TES: variants seen among roughly 807,000 people sequenced by gnomAD.
The protein encoded by TES is testin LIM domain protein.
TES carries 41 observed loss-of-function variants against 48.2 expected under a neutral mutation model. That is an observed-to-expected ratio of 0.85 (90% CI 0.66 to 1.10). The LOEUF (loss-of-function observed/expected upper bound fraction) is 1.10. Ranked by LOEUF, TES falls within the 50% of genes least tolerant of loss-of-function variation. The probability of loss-of-function intolerance (pLI) is 0.00; values close to 1 mark genes in which losing one functional copy is unlikely to be tolerated. For missense variants in TES, 463 were observed against 515.1 expected (o/e 0.90, Z 0.98); for synonymous variants, 162 against 174.9 (o/e 0.93, Z 0.58).
rs186723949 is a variant in TES at position 116,236,719 on chromosome 7, T to A, written c.113+2100T>A. Among the ~76,000 whole-genome samples, 521 of 152,304 alleles carry A rather than the reference T, an allele frequency of 3.4e-3. 4 individuals are homozygous for A. Among genetic ancestry groups the A allele is most frequent in the Non-Finnish European group, 5.3e-3 (362 of 68,022 alleles). On this transcript the variant is annotated intron_variant, in intron 2 of 6. Coordinates refer to ENST00000358204, the MANE Select transcript of TES (RefSeq NM_015641.4). ...AAGCAAGTTAGTCATTTTTGTTATG[T>A]CTATATTAATCATTTTAATCGATAT...
chr7:116,211,169 T>G (rs1799433430), intron 1 of TES: 1 of 156,486 alleles, frequency 6.4e-6, no homozygotes, highest in Non-Finnish European at 1.4e-5. Context: ...TCTGCTGTGC[T>G]TTGACAGCTC....
chr7:116,210,848 G>A (rs2116563678), intron 1 of TES, 114 bp downstream of exon 1: 2 of 981,604 alleles, frequency 2.0e-6, no homozygotes, highest in South Asian at 1.0e-4. Context: ...GTGTGAGCCC[G>A]GCTCTGGGTC....
At chr7:116,231,538 G>C (rs1282479724) in intron 1 of TES, among the ~76,000 whole-genome samples, 2 of 152,278 alleles carry the variant, frequency 1.3e-5, no homozygotes, top group East Asian at 3.9e-4. Context: ...AGTCTGGAAA[G>C]ACAGGACCAC....
intron 1 of TES, 153 bp downstream of exon 1, chr7:116,210,887 C>A (rs1172013459): frequency 1.1e-5 from 6 of 556,190 alleles, no homozygotes; most frequent in Non-Finnish European, 1.6e-5. Flanking sequence ...GGGACCTGGC[C>A]CCCTGGGTAG....
intron 1 of TES, among the ~76,000 whole-genome samples, chr7:116,225,448 A>G (rs967784260): frequency 1.3e-5 from 2 of 152,194 alleles, no homozygotes; most frequent in Non-Finnish European, 2.9e-5. Context: ...AAAGTCCCAG[A>G]AAACTTGACG....
At chr7:116,242,703 GTAGA>G (rs1173699732) in intron 2 of TES, among the ~76,000 whole-genome samples, 1 of 152,102 alleles carries the variant, frequency 6.6e-6, no homozygotes, top group Non-Finnish European at 1.5e-5. Flanking sequence ...TGTTTCTGAT[GTAGA>G]TAAATTCCAT....
chr7:116,231,023 T>C (rs1044000375), intron 1 of TES, among the ~76,000 whole-genome samples: 8 of 152,192 alleles, frequency 5.3e-5, no homozygotes, highest in Non-Finnish European at 1.0e-4. Context: ...GTTCTTTTCT[T>C]TGGGGCAGAA....
intron 2 of TES, among the ~76,000 whole-genome samples, chr7:116,243,525 T>C (rs547071599): frequency 1.3e-5 from 2 of 152,184 alleles, no homozygotes; most frequent in South Asian, 2.1e-4. Flanking sequence ...AATTTATATT[T>C]CCTACCAGGC....
chr7:116,227,468 C>G (rs535707045), intron 1 of TES, among the ~76,000 whole-genome samples: 1 of 152,174 alleles, frequency 6.6e-6, no homozygotes, highest in African/African-American at 2.4e-5. Flanking sequence ...GATTTGGAAA[C>G]AGGCAATGAA....
intron 2 of TES, among the ~76,000 whole-genome samples, chr7:116,245,371 G>A (rs1246660141): frequency 3.3e-5 from 5 of 152,084 alleles, no homozygotes; most frequent in Non-Finnish European, 5.9e-5. Flanking sequence ...GGGGCAAAAT[G>A]CCACCAGTCT....
intron 2 of TES, among the ~76,000 whole-genome samples, chr7:116,244,937 G>A (rs973180785): frequency 7.2e-5 from 11 of 152,104 alleles, no homozygotes; most frequent in African/African-American, 2.7e-4. Context: ...CTATACCTTG[G>A]CCCCTTTTAG....
intron 2 of TES, among the ~76,000 whole-genome samples, chr7:116,235,401 T>A (rs937366299): frequency 3.3e-5 from 5 of 152,236 alleles, no homozygotes; most frequent in Non-Finnish European, 7.3e-5. Context: ...TTAAAATTTT[T>A]AGCTGTAAAG....
intron 1 of TES, among the ~76,000 whole-genome samples, chr7:116,214,255 G>C (rs553075377): frequency 2.0e-5 from 3 of 152,088 alleles, no homozygotes; most frequent in Admixed American, 6.5e-5. Flanking sequence ...TTTGTCATTA[G>C]CCAAAAAAGC....
intron 4 of TES, among the ~76,000 whole-genome samples, chr7:116,250,965 G>A (rs1008093320): frequency 2.0e-5 from 3 of 152,072 alleles, no homozygotes; most frequent in Non-Finnish European, 2.9e-5. Flanking sequence ...CTTCTAAAGG[G>A]AGAAATTGAA....
In TES at chr7:116,249,089, A is replaced by G. The variant is rs781495025; in HGVS notation, c.183A>G (p.Arg61=). The part of the protein sequence containing the change: ...HDVLLSNEED[R]KVGKLFEDTK... Reference sequence around the variant, plus strand: ...TCCTCTTGAGCAATGAAGAGGATCGAAAAGTGGGAAAACTTTTTGAAGACA... The same window carrying G: ...TCCTCTTGAGCAATGAAGAGGATCGGAAAGTGGGAAAACTTTTTGAAGACA... The change falls in exon 3 of 7, where the codon CGA becomes CGG. Residue 61 remains arginine, a synonymous_variant. Coordinates refer to ENST00000358204, the MANE Select transcript of TES (RefSeq NM_015641.4). 1 of 1,614,096 alleles carries G rather than the reference A, an allele frequency of 6.2e-7. No individual in the cohort carries two copies. Among genetic ancestry groups the G allele is most frequent in the South Asian group, 1.1e-5 (1 of 91,080 alleles).
intron 6 of TES, among the ~76,000 whole-genome samples, chr7:116,254,518 G>A (rs1003764591): frequency 6.6e-6 from 1 of 152,084 alleles, no homozygotes; most frequent in East Asian, 1.9e-4. Flanking sequence ...GGCGAATCAT[G>A]AGGTCAGGAG....
chr7:116,250,232 G>A lies in TES; in HGVS notation c.438G>A (p.Arg146=). The change falls in exon 4 of 7, where the codon CGG becomes CGA. Residue 146 remains arginine (R), a synonymous_variant. Transcript: ENST00000358204. Reference sequence around the variant, plus strand: ...CAGGCTCAGAGGGGGCACAGTACCGGAAGAAGCAGCTGGCAAAGCAGCTCC... The same window carrying A: ...CAGGCTCAGAGGGGGCACAGTACCGAAAGAAGCAGCTGGCAAAGCAGCTCC... ...PVAGSEGAQY[R]KKQLAKQLPA... 1 of 1,607,272 alleles carries A rather than the reference G, an allele frequency of 6.2e-7. No homozygotes were observed. The highest frequency in any genetic ancestry group is 8.5e-7 in the Non-Finnish European group (1 of 1,177,000).
chr7:116,212,824 G>A (rs1247839473), intron 1 of TES, among the ~76,000 whole-genome samples: 2 of 152,112 alleles, frequency 1.3e-5, no homozygotes, highest in African/African-American at 4.8e-5. Context: ...TTTCAACCAA[G>A]AATCTTAACT....
chr7:116,224,461 T>G (rs1377718936), intron 1 of TES, among the ~76,000 whole-genome samples: 1 of 152,246 alleles, frequency 6.6e-6, no homozygotes, highest in Non-Finnish European at 1.5e-5. Context: ...TAATTTTTAG[T>G]ACTAGTCGTG....
Sources: allele counts gnomAD v4.1 joint callset (sites outside exome capture counted in the v4.1 genomes callset), GRCh38; gene constraint gnomAD v4.1.1; transcripts MANE v1.5; gene names NCBI Gene and HGNC (gene_info 2026-07-23, HGNC 2026-07-21).